Variants in SPTBN5 observed in about 807,000 individuals in gnomAD.
SPTBN5 encodes spectrin beta, non-erythrocytic 5.
In SPTBN5, 513 loss-of-function variants were observed where a neutral mutation model predicts 477.6. That is an observed-to-expected ratio of 1.07 (90% CI 1.00 to 1.16). The LOEUF is 1.16. Among genes scored for constraint, SPTBN5 ranks in the 50% most tolerant of loss-of-function variants. The pLI is 0.00. For missense variants in SPTBN5, 5,062 were observed against 4,731.8 expected (o/e 1.07, Z -2.05); for synonymous variants, 2,169 against 2,011.7 (o/e 1.08, Z -2.09).
At position 41,877,116 on chromosome 15, in the gene SPTBN5, C is replaced by T; in HGVS notation, c.3711G>A (p.Gly1237=). ...CTAGCTCCACATTCCTGCTCCATACCCCAAGGTTGTCCAGGTGCAGCCAGG... is the reference window on the plus strand; with the variant it reads ...CTAGCTCCACATTCCTGCTCCATACTCCAAGGTTGTCCAGGTGCAGCCAGG... ...HQAWLHLDNL[G]EDVREALSLL... The change falls in exon 18 of 68, where the codon GGG becomes GGA. Residue 1237 remains glycine (G), a splice_region_variant and synonymous_variant. Coordinates refer to ENST00000320955, the MANE Select transcript of SPTBN5 (RefSeq NM_016642.4). 6.2e-7 allele frequency: 1 copy of T among 1,613,834 alleles called. No homozygotes were observed. The highest frequency in any genetic ancestry group is 8.5e-7 in the Non-Finnish European group (1 of 1,179,824).
chr15:41,851,221 G>C (rs2065748459), intron 64 of SPTBN5, 62 bp downstream of exon 64: 2 of 1,566,902 alleles, frequency 1.3e-6, no homozygotes, highest in African/African-American at 2.7e-5. Context: ...CTCTGTCCTG[G>C]GGCCCCTCTG....
chr15:41,851,773 A>G lies in SPTBN5; in HGVS notation c.10656+6T>C, dbSNP rs777552144. ...CTGCCTGGAGAAGGAATCTCCAGGC[A>G]CTCACCTGCCTCCCGCCAGGCAGCA... On this transcript the variant is annotated splice_donor_region_variant and intron_variant, in intron 63 of 67. Transcript: ENST00000320955. 6.2e-7 allele frequency: 1 copy of G among 1,607,046 alleles called. No homozygotes were observed. The highest frequency in any genetic ancestry group is 8.5e-7 in the Non-Finnish European group (1 of 1,176,838).
chr15:41,850,255 G>A (rs558500772), intron 66 of SPTBN5: 2 of 408,692 alleles, frequency 4.9e-6, no homozygotes, highest in Admixed American at 7.2e-5. Flanking sequence ...TGGGCTCCTG[G>A]GAAGACAGAC....
Position 41,863,941 on chromosome 15 carries a change from G to A in SPTBN5, c.7002C>T (p.Ile2334=), listed in dbSNP as rs780221168. 1.9e-6 allele frequency: 3 copies of A among 1,613,932 alleles called. No individual in the cohort carries two copies. The highest frequency in any genetic ancestry group is 1.7e-5 in the Admixed American group (1 of 60,024). The change falls in exon 40 of 68, where the codon ATC becomes ATT. Residue 2334 remains isoleucine (I), a synonymous_variant. Transcript: ENST00000320955. Reference sequence around the variant, plus strand: ...TGAGCTGGCTTCGCCGCTGGCAGATGATCTTGACTTCCTCAGGGTCCCGGT... The same window carrying A: ...TGAGCTGGCTTCGCCGCTGGCAGATAATCTTGACTTCCTCAGGGTCCCGGT... The part of the protein sequence containing the change: ...LKNRDPEEVK[I]ICQRRSQLNN...
At chr15:41,850,297 C>G in intron 66 of SPTBN5, 1 of 336,592 alleles carries the variant, frequency 3.0e-6, no homozygotes, top group Non-Finnish European at 5.7e-6. Flanking sequence ...GAACCAGCGA[C>G]AGAGCTAGGA....
At position 41,876,963 on chromosome 15, in the gene SPTBN5, A is replaced by C. The variant is rs758691857; in HGVS notation, c.3712-15T>G. ...CTCACGTCCTCCTGGGAGTGCAGAG[A>C]CCTGAGGTCATGCCTGGGAGAATGG... is the stretch of plus-strand genomic sequence containing the variant. On this transcript the variant is annotated splice_polypyrimidine_tract_variant and intron_variant, in intron 18 of 67. Transcript: ENST00000320955. 12 of 1,599,464 alleles carry C rather than the reference A, an allele frequency of 7.5e-6. No individual in the cohort carries two copies. The highest frequency in any genetic ancestry group is 1.0e-5 in the Non-Finnish European group (12 of 1,174,190).
In SPTBN5 at chr15:41,861,907, C is replaced by T. The variant is rs909956023; in HGVS notation, c.7565G>A (p.Trp2522Ter). Residue 2522 changes from tryptophan (W) to a stop codon, truncating the protein, a stop_gained, in exon 45 of 68, where the codon TGG (tryptophan) becomes TAG (stop). Coordinates refer to ENST00000320955, the MANE Select transcript of SPTBN5 (RefSeq NM_016642.4). LOFTEE classifies it high-confidence loss of function. The stretch of plus-strand genomic sequence containing the variant: ...TCGGGCCAGGCTGATGCTGTCTGTC[C>T]AGGAGTCCAGCTCGGCCTGGAACAG... ...HQECKAELDS[W>*]TDSISLARST... is the part of the protein sequence containing the mutation. 3 of 1,604,600 alleles carry T rather than the reference C, an allele frequency of 1.9e-6. No individual in the cohort carries two copies. The highest frequency in any genetic ancestry group is 2.5e-6 in the Non-Finnish European group (3 of 1,178,386).
In SPTBN5 at chr15:41,849,612, G is replaced by A. The variant is rs76828625; in HGVS notation, c.11012+257C>T. Among the ~76,000 whole-genome samples the A allele has an allele frequency of 4.9e-3, 745 of 152,260 alleles. 5 individuals are homozygous for A. The highest frequency in any genetic ancestry group is 0.017 in the African/African-American group (720 of 41,544). On this transcript the variant is annotated intron_variant, in intron 67 of 67. Coordinates refer to ENST00000320955, the MANE Select transcript of SPTBN5 (RefSeq NM_016642.4). Reference sequence around the variant, plus strand: ...GGGCACAGGGAGCCTGGGCAGCTTCGTCTACAGGGTCCCCACACTAGAGCC... The same window carrying A: ...GGGCACAGGGAGCCTGGGCAGCTTCATCTACAGGGTCCCCACACTAGAGCC...
rs373757685 is a variant in SPTBN5 at position 41,849,991 on chromosome 15, C to T, written c.10922-32G>A. ...AGCAAGGGAATAACCACTGTTAGCC[C>T]GGCCCAGACCATCTGCAGGCGCCAG... On this transcript the variant is annotated intron_variant, in intron 66 of 67. Transcript: ENST00000320955. 622 of 1,534,120 alleles carry T rather than the reference C, an allele frequency of 4.1e-4. 1 individual carries two copies. The highest frequency in any genetic ancestry group is 5.2e-4 in the Admixed American group (27 of 51,864).
chr15:41,870,724 C>A lies in SPTBN5; in HGVS notation c.5448-164G>T, dbSNP rs530261216. Among the ~76,000 whole-genome samples the A allele has an allele frequency of 2.6e-5, 4 of 152,374 alleles. No homozygotes were observed. In the East Asian group the frequency reaches 7.7e-4, roughly 29 times the overall value. On this transcript the variant is annotated intron_variant, in intron 29 of 67. Transcript: ENST00000320955. ...CCCGCCTGTGGCCCTGCCTACGCAC[C>A]TTCTTCCTGGGAGCCTGTCTTCTAG...
At chr15:41,861,368 A>G (rs1310482288) in intron 46 of SPTBN5, 51 bp downstream of exon 46, 17 of 1,525,478 alleles carry the variant, frequency 1.1e-5, no homozygotes, top group Non-Finnish European at 1.5e-5. Flanking sequence ...TTTGACCCCT[A>G]ATGCTGCTCT....
rs986966906 is a variant in SPTBN5 at position 41,853,650 on chromosome 15, C to T, written c.9912G>A (p.Gln3304=). Residue 3304 remains glutamine (Q), a synonymous_variant, in exon 58 of 68, where the codon CAG becomes CAA. Transcript: ENST00000320955. ...EAWATLQAKA[Q]ERGQWLAQAA... ...CCTGCGCCAGCCACTGGCCTCGCTC[C>T]TGGGCCTTCGCCTGCAGGGTGGCCC... The T allele has an allele frequency of 1.9e-6, 3 of 1,598,128 alleles. No individual in the cohort carries two copies. The highest frequency in any genetic ancestry group is 2.6e-6 in the Non-Finnish European group (3 of 1,174,066).
At chr15:41,864,206 G>T (rs1349445826) in intron 39 of SPTBN5, among the ~76,000 whole-genome samples, 182 bp from the exon 40 acceptor site, 1 of 152,200 alleles carries the variant, frequency 6.6e-6, no homozygotes, top group African/African-American at 2.4e-5. Context: ...CCCCGTCCAG[G>T]TGAAGTGAGC....
At chr15:41,857,203 C>A in intron 51 of SPTBN5, 35 bp downstream of exon 51, 1 of 1,563,184 alleles carries the variant, frequency 6.4e-7, no homozygotes, top group Admixed American at 1.8e-5. Context: ...TCCAGGAAGG[C>A]AGGGAAGAGA....
intron 37 of SPTBN5, 55 bp downstream of exon 37, chr15:41,866,289 A>G (rs2066307875): frequency 6.4e-7 from 1 of 1,572,494 alleles, no homozygotes; most frequent in Admixed American, 1.9e-5. Context: ...TAAGACTGAC[A>G]TTGCCCCTGG....
rs762023533 is a variant in SPTBN5 at position 41,852,953 on chromosome 15, C to CTCCAGCTCCTGCAGCCGCCCT, written c.10197_10217dup (p.Gly3400_Glu3406dup). On this transcript the variant is annotated inframe_insertion, in exon 60 of 68. Transcript: ENST00000320955. ...GTTGCCAGCGCAGGGCCCAAGCCTCCTCCAGCTCCTGCAGCCGCCCTTCCA... is the reference window on the plus strand; with the variant it reads ...GTTGCCAGCGCAGGGCCCAAGCCTCCTCCAGCTCCTGCAGCCGCCCTTCCAGCTCCTGCAGCCGCCCTTCCA... 115 of 1,574,258 alleles carry CTCCAGCTCCTGCAGCCGCCCT rather than the reference C, an allele frequency of 7.3e-5. No individual in the cohort carries two copies. Among genetic ancestry groups the CTCCAGCTCCTGCAGCCGCCCT allele is most frequent in the Admixed American group, 2.1e-4 (11 of 53,458 alleles).
intron 39 of SPTBN5, 88 bp from the exon 40 acceptor site, chr15:41,864,112 G>T (rs2066216981): frequency 8.3e-7 from 1 of 1,200,388 alleles, no homozygotes; most frequent in Non-Finnish European, 1.2e-6. Context: ...GCATGCCTGG[G>T]CCCCGGAGCA....
chr15:41,851,080 C>A lies in SPTBN5; in HGVS notation c.10814G>T (p.Arg3605Met), dbSNP rs2065742333. The change falls in exon 65 of 68, where the codon AGG becomes ATG. Residue 3605 changes from arginine (R) to methionine (M), a missense_variant. Transcript: ENST00000320955. The stretch of plus-strand genomic sequence containing the variant: ...TCACCTTAAGGAGAATGTGTGTTTC[C>A]TGCCGTGGCGGCCCCGCAGCCTCTC... ...RCERLRGRHG[R>M]KHTFSLRLTS... is the part of the protein sequence containing the mutation. The A allele has an allele frequency of 6.2e-7, 1 of 1,612,592 alleles. No individual in the cohort carries two copies. The highest frequency in any genetic ancestry group is 1.3e-5 in the African/African-American group (1 of 74,956).
intron 34 of SPTBN5, among the ~76,000 whole-genome samples, 157 bp downstream of exon 34, chr15:41,867,912 C>T (rs2066386108): frequency 6.6e-6 from 1 of 152,220 alleles, no homozygotes; most frequent in Non-Finnish European, 1.5e-5. Context: ...GCTCAGGGGC[C>T]TCAGCACTTC....
Sources: allele counts gnomAD v4.1 joint callset (sites outside exome capture counted in the v4.1 genomes callset), GRCh38; gene constraint gnomAD v4.1.1; transcripts MANE v1.5; gene names NCBI Gene and HGNC (gene_info 2026-07-23, HGNC 2026-07-21).